COA1: variants seen among roughly 807,000 people sequenced by gnomAD.
The protein encoded by COA1 is cytochrome c oxidase assembly factor 1 homolog.
Under a neutral mutation model 16.0 loss-of-function variants are expected in COA1, and 13 were observed. The ratio of observed to expected loss-of-function variants is 0.81; its 90% confidence interval spans 0.53 to 1.29. The LOEUF is 1.29. Among genes scored for constraint, COA1 ranks in the 50% most tolerant of loss-of-function variants. The pLI is 0.00. For synonymous variants in COA1, 65 were observed against 65.7 expected (o/e 0.99, Z 0.05); for missense variants, 179 against 177.0 (o/e 1.01, Z -0.06).
intron 1 of COA1, among the ~76,000 whole-genome samples, chr7:43,725,121 C>G (rs898738021): frequency 1.2e-4 from 18 of 152,036 alleles, no homozygotes; most frequent in Admixed American, 1.1e-3. Context: ...GCCTGTAATC[C>G]CAGCTACTCG....
At chr7:43,713,257 A>G (rs774465039) in intron 1 of COA1, among the ~76,000 whole-genome samples, 6 of 152,104 alleles carry the variant, frequency 3.9e-5, no homozygotes, top group Admixed American at 1.3e-4. Context: ...CAGCCTCAAT[A>G]CATATATATG....
intron 1 of COA1, among the ~76,000 whole-genome samples, chr7:43,654,986 T>C (rs1271701733): frequency 6.6e-6 from 1 of 152,122 alleles, no homozygotes; most frequent in Non-Finnish European, 1.5e-5. Context: ...ATAATCTACA[T>C]AGACATCCTG....
chr7:43,691,437 G>GAAATA (rs1180903662), intron 1 of COA1, among the ~76,000 whole-genome samples: 1 of 110,816 alleles, frequency 9.0e-6, no homozygotes, highest in Non-Finnish European at 1.9e-5. Flanking sequence ...AAGAAAGAAA[G>GAAATA]AAAGAAAGAA....
At chr7:43,720,151 C>T (rs1195395969) in intron 1 of COA1, among the ~76,000 whole-genome samples, 1 of 151,904 alleles carries the variant, frequency 6.6e-6, no homozygotes, top group African/African-American at 2.4e-5. Context: ...TGGTGGCGGG[C>T]ACCTGTAATC....
At chr7:43,725,238 C>CAA (rs145651296) in intron 1 of COA1, among the ~76,000 whole-genome samples, 1 of 118,910 alleles carries the variant, frequency 8.4e-6, no homozygotes, top group Admixed American at 8.8e-5. Context: ...AACTCCATCT[C>CAA]AAAAAAAAAA....
intron 1 of COA1, among the ~76,000 whole-genome samples, chr7:43,675,848 A>G (rs1201997114): frequency 1.3e-5 from 2 of 152,070 alleles, no homozygotes; most frequent in Admixed American, 6.5e-5. Context: ...AACATCTAAC[A>G]TCTAATTCTA....
chr7:43,653,812 G>A (rs981193580), intron 1 of COA1, among the ~76,000 whole-genome samples: 14 of 152,066 alleles, frequency 9.2e-5, no homozygotes, highest in Non-Finnish European at 8.8e-5. Context: ...AGACTGCCTG[G>A]AGAGAGGGTC....
chr7:43,711,194 G>A (rs751469016), intron 1 of COA1, among the ~76,000 whole-genome samples: 6 of 151,938 alleles, frequency 3.9e-5, no homozygotes, highest in Non-Finnish European at 8.8e-5. Flanking sequence ...GAAAAAATAA[G>A]GGTCACTAGC....
chr7:43,711,816 T>C (rs1360746058), intron 1 of COA1, among the ~76,000 whole-genome samples: 4 of 152,208 alleles, frequency 2.6e-5, no homozygotes, highest in African/African-American at 7.2e-5. Context: ...AGTACAAATA[T>C]AGTACTATAA....
At chr7:43,633,248 G>A (rs1291207019) in intron 6 of COA1, 1 of 152,214 alleles carries the variant, frequency 6.6e-6, no homozygotes, top group Non-Finnish European at 1.5e-5. Flanking sequence ...GCGTCACGTT[G>A]TACTTTTATG....
intron 1 of COA1, among the ~76,000 whole-genome samples, chr7:43,686,923 A>G (rs899925605): frequency 2.6e-5 from 4 of 152,190 alleles, no homozygotes; most frequent in Non-Finnish European, 5.9e-5. Flanking sequence ...AATGACTATT[A>G]TATCAAAGGA....
In COA1 at chr7:43,640,579, A is replaced by C; in HGVS notation, c.335T>G (p.Phe112Cys). Residue 112 changes from phenylalanine to cysteine, a missense_variant, in exon 5 of 6, where the codon TTT (phenylalanine) becomes TGT (cysteine). Physicochemically the swap from Phe to Cys is radical, Grantham distance 205. Coordinates refer to ENST00000223336, the MANE Select transcript of COA1 (RefSeq NM_018224.4). ...LYVHSSRGGP[F>C]QRWHLDEVFL... ...CGTCACCTTCCCAGGATACCTCTGA[A>C]AGGGGCCACCTCTGGATGAGTGGAC... 6.2e-7 allele frequency: 1 copy of C among 1,604,108 alleles called. No individual in the cohort carries two copies. Among genetic ancestry groups the C allele is most frequent in the Non-Finnish European group, 8.5e-7 (1 of 1,175,542 alleles).
At chr7:43,627,668 G>A (rs1422394258) in intron 6 of COA1, among the ~76,000 whole-genome samples, 3 of 152,222 alleles carry the variant, frequency 2.0e-5, no homozygotes, top group Non-Finnish European at 2.9e-5. Context: ...TATCTGTTGC[G>A]GAATTTAAAA....
chr7:43,699,759 G>A (rs1047064282), intron 1 of COA1, among the ~76,000 whole-genome samples: 1 of 152,152 alleles, frequency 6.6e-6, no homozygotes, highest in South Asian at 2.1e-4. Context: ...AGCTATCTTA[G>A]AAGTTATGGC....
chr7:43,645,453 T>C, intron 3 of COA1, 54 bp from the exon 4 acceptor site: 1 of 1,508,186 alleles, frequency 6.6e-7, no homozygotes, highest in Non-Finnish European at 9.2e-7. Flanking sequence ...AGGTAGAATC[T>C]ACTACACAGA....
At chr7:43,613,069 G>C (rs904566717) in intron 6 of COA1, among the ~76,000 whole-genome samples, 1 of 152,140 alleles carries the variant, frequency 6.6e-6, no homozygotes, top group Non-Finnish European at 1.5e-5. Flanking sequence ...CCTGTCAGAG[G>C]GAGGGAGGAC....
intron 2 of COA1, 92 bp from the exon 3 acceptor site, chr7:43,647,726 T>C (rs564546433): frequency 1.1e-6 from 1 of 946,504 alleles, no homozygotes; most frequent in East Asian, 2.5e-5. Context: ...AAAGAAGCAT[T>C]AAGGAAGCCA....
chr7:43,707,364 T>C lies in COA1; in HGVS notation c.-39+22065A>G, dbSNP rs74219393. ...TACTGGGTATTAAAAACTGAGTGGT[T>C]CTTTTTTTTAAAAGTCTATCACACA... On this transcript the variant is annotated intron_variant, in intron 1 of 5. Coordinates refer to ENST00000223336, the MANE Select transcript of COA1 (RefSeq NM_018224.4). Among the ~76,000 whole-genome samples the C allele has an allele frequency of 3.3e-5, 5 of 152,314 alleles. No homozygotes were observed. In the East Asian group the frequency reaches 9.6e-4, roughly 29 times the overall value.
intron 1 of COA1, among the ~76,000 whole-genome samples, chr7:43,673,520 AG>A (rs2153205985): frequency 6.6e-6 from 1 of 152,350 alleles, no homozygotes; most frequent in East Asian, 1.9e-4. Flanking sequence ...TGCGGAGAAA[AG>A]GGAACACTTA....
Sources: gnomAD v4.1 joint callset for allele counts (sites outside exome capture counted in the v4.1 genomes callset) on GRCh38, gnomAD v4.1.1 for gene constraint, MANE v1.5 for transcripts, NCBI Gene and HGNC (gene_info 2026-07-23, HGNC 2026-07-21) for gene names.